Variants in PCDH7 observed in about 807,000 individuals in gnomAD.
PCDH7 encodes the protein protocadherin 7.
Under a neutral mutation model 58.9 loss-of-function variants are expected in PCDH7, and 17 were observed. The observed-to-expected ratio is 0.29, with a 90% CI of 0.20 to 0.43. PCDH7 has a LOEUF of 0.43. Ranked by LOEUF, PCDH7 falls within the 20% of genes least tolerant of loss-of-function variation. The pLI, the probability that PCDH7 is intolerant of heterozygous loss-of-function variation, is 1.00. For missense variants in PCDH7, 1,274 were observed against 1,441.0 expected, an observed-to-expected ratio of 0.88 and a Z score of 1.88; for synonymous variants, 664 against 616.4, an observed-to-expected ratio of 1.08 and a Z score of -1.14.
At chr4:30,825,000 A>C (rs1240396312) in intron 1 of PCDH7, among the ~76,000 whole-genome samples, 4 of 152,124 alleles carry the variant, frequency 2.6e-5, no homozygotes, top group Non-Finnish European at 5.9e-5. Flanking sequence ...TGTACAAGGC[A>C]TATATAAAGT....
At chr4:30,864,010 C>G (rs1014569027) in intron 1 of PCDH7, among the ~76,000 whole-genome samples, 1 of 152,062 alleles carries the variant, frequency 6.6e-6, no homozygotes, top group Non-Finnish European at 1.5e-5. Flanking sequence ...ATCAAGAATT[C>G]ACTGTAATTA....
intron 2 of PCDH7, among the ~76,000 whole-genome samples, chr4:30,928,331 C>T (rs955128861): frequency 6.6e-6 from 1 of 152,174 alleles, no homozygotes; most frequent in East Asian, 1.9e-4. Context: ...TCTTCTCTTG[C>T]AGGTTTTTAA....
intron 1 of PCDH7, among the ~76,000 whole-genome samples, chr4:30,879,355 G>T (rs1736670706): frequency 6.6e-6 from 1 of 151,814 alleles, no homozygotes; most frequent in East Asian, 1.9e-4. Context: ...TTATTTTCCA[G>T]GATTAACAAA....
intron 3 of PCDH7, among the ~76,000 whole-genome samples, chr4:31,052,121 T>G (rs999568653): frequency 2.0e-5 from 3 of 152,252 alleles, no homozygotes; most frequent in Admixed American, 2.0e-4. Context: ...TTTTGTTGTC[T>G]GTTTTATTTT....
chr4:30,787,842 T>C (rs1379488778), intron 1 of PCDH7, among the ~76,000 whole-genome samples: 1 of 152,110 alleles, frequency 6.6e-6, no homozygotes, highest in Non-Finnish European at 1.5e-5. Flanking sequence ...GTTTGTTACC[T>C]AGAATGTAAA....
chr4:31,103,445 G>A (rs74467664), intron 3 of PCDH7, among the ~76,000 whole-genome samples: 4 of 151,606 alleles, frequency 2.6e-5, no homozygotes, highest in East Asian at 1.9e-4. Flanking sequence ...TTCAATTCTC[G>A]TGCCTCAGCC....
At chr4:30,883,772 G>A (rs2109373812) in intron 1 of PCDH7, among the ~76,000 whole-genome samples, 1 of 152,250 alleles carries the variant, frequency 6.6e-6, no homozygotes, top group African/African-American at 2.4e-5. Flanking sequence ...AAAAGTAAGA[G>A]CTATTGTGTC....
rs187245588 is a variant in PCDH7 at position 30,965,348 on chromosome 4, G to A, written c.*7+15133G>A. Among the ~76,000 whole-genome samples, 33 of 152,164 alleles carry A rather than the reference G, an allele frequency of 2.2e-4. 1 individual carries two copies. The East Asian group carries it at 6.0e-3, about 28-fold the overall frequency. ...AAAAATCTGTAGTTTTATAATTCTA[G>A]TTACATAAGATGACAATTTAAAAAT... On this transcript the variant is annotated intron_variant, in intron 3 of 3. Transcript: ENST00000509759.
At chr4:31,006,175 T>C (rs1018095282) in intron 3 of PCDH7, among the ~76,000 whole-genome samples, 2 of 152,208 alleles carry the variant, frequency 1.3e-5, no homozygotes, top group African/African-American at 4.8e-5. Flanking sequence ...AAAGGACCAG[T>C]TGTACATTTT....
intron 3 of PCDH7, among the ~76,000 whole-genome samples, chr4:31,024,207 TCAA>T (rs1320170784): frequency 6.6e-6 from 1 of 152,196 alleles, no homozygotes; most frequent in African/African-American, 2.4e-5. Flanking sequence ...TTCAGAGCAC[TCAA>T]CTAATCATTG....
intron 1 of PCDH7, among the ~76,000 whole-genome samples, chr4:30,914,229 C>T (rs1742124650): frequency 6.6e-6 from 1 of 152,152 alleles, no homozygotes; most frequent in African/African-American, 2.4e-5. Flanking sequence ...AATGCATTTC[C>T]ATCAGCTGGA....
chr4:31,113,690 C>T (rs1045000036), intron 3 of PCDH7, among the ~76,000 whole-genome samples: 6 of 151,938 alleles, frequency 3.9e-5, no homozygotes, highest in African/African-American at 1.5e-4. Context: ...TAGAACAAAG[C>T]ATTTTACCTA....
chr4:31,064,571 G>T (rs893230622), intron 3 of PCDH7, among the ~76,000 whole-genome samples: 4 of 151,920 alleles, frequency 2.6e-5, no homozygotes, highest in African/African-American at 9.7e-5. Flanking sequence ...AACCTTTCTT[G>T]CCTCTTCCCA....
At chr4:31,091,364 T>C (rs908520715) in intron 3 of PCDH7, among the ~76,000 whole-genome samples, 1 of 151,980 alleles carries the variant, frequency 6.6e-6, no homozygotes, top group Non-Finnish European at 1.5e-5. Flanking sequence ...ATATGCTTAT[T>C]GATTTGATTT....
At chr4:31,035,896 G>T (rs999307574) in intron 3 of PCDH7, among the ~76,000 whole-genome samples, 1 of 152,128 alleles carries the variant, frequency 6.6e-6, no homozygotes, top group Non-Finnish European at 1.5e-5. Flanking sequence ...TATATTTATG[G>T]TAGCGATAAG....
intron 1 of PCDH7, among the ~76,000 whole-genome samples, chr4:30,826,925 G>T (rs577465312): frequency 6.6e-6 from 1 of 151,992 alleles, no homozygotes; most frequent in East Asian, 1.9e-4. Flanking sequence ...ACGGGGTTTT[G>T]CCATGCTGCC....
intron 1 of PCDH7, among the ~76,000 whole-genome samples, chr4:30,829,999 A>G (rs2310225): frequency 0.67 from 102,466 of 151,874 alleles, 34,950 homozygotes; most frequent in Middle Eastern, 0.77. Context: ...CTCTGGTTTC[A>G]TGCACGTTAA....
chr4:30,847,919 G>A (rs142745534), intron 1 of PCDH7, among the ~76,000 whole-genome samples: 180 of 152,122 alleles, frequency 1.2e-3, no homozygotes, highest in Non-Finnish European at 2.1e-3. Flanking sequence ...GAGTTGACAC[G>A]AATAAAGGTA....
exon 2 of PCDH7, chr4:30,730,940 T>G (rs1560309237): frequency 7.6e-7 from 1 of 1,323,112 alleles, no homozygotes; most frequent in Non-Finnish European, 9.7e-7. Flanking sequence ...TTTTTCTTTC[T>G]CATATACAGA....
Sources: allele counts gnomAD v4.1 joint callset (sites outside exome capture counted in the v4.1 genomes callset), GRCh38; gene constraint gnomAD v4.1.1; transcripts MANE v1.5; gene names NCBI Gene and HGNC (gene_info 2026-07-23, HGNC 2026-07-21).